The following SEMA3D variants were observed in gnomAD, a reference collection of about 807,000 sequenced individuals.
SEMA3D encodes the protein semaphorin-3D.
Under a neutral mutation model 100.1 loss-of-function variants are expected in SEMA3D, and 84 were observed. That is an observed-to-expected ratio of 0.84 (90% CI 0.70 to 1.01). The LOEUF is 1.01. Among genes scored for constraint, SEMA3D ranks in the 50% least tolerant of loss-of-function variants. SEMA3D has a pLI of 0.00. For synonymous variants in SEMA3D, 312 were observed against 320.7 expected, an observed-to-expected ratio of 0.97 and a Z score of 0.29; for missense variants, 875 against 934.1, an observed-to-expected ratio of 0.94 and a Z score of 0.82.
At chr7:85,249,361 T>G in the SEMA3D span, among the ~76,000 whole-genome samples, 1,422 of 152,190 alleles carry the variant, frequency 9.3e-3, 34 homozygotes, top group African/African-American at 0.03. Context: ...ACCTGACAAT[T>G]AAAGGTAATA....
At chr7:85,059,305 A>G (rs966442847) in intron 8 of SEMA3D, among the ~76,000 whole-genome samples, 1 of 152,234 alleles carries the variant, frequency 6.6e-6, no homozygotes, top group African/African-American at 2.4e-5. Flanking sequence ...CTATGTATGT[A>G]TATATGGGGG....
chr7:85,215,055 A>G, the SEMA3D span, among the ~76,000 whole-genome samples: 1 of 151,200 alleles, frequency 6.6e-6, no homozygotes. Flanking sequence ...GTATTATAAA[A>G]TTTAGGATTG....
intron 12 of SEMA3D, among the ~76,000 whole-genome samples, chr7:85,025,959 T>C (rs960864118): frequency 1.3e-5 from 2 of 151,994 alleles, no homozygotes; most frequent in Admixed American, 6.6e-5. Flanking sequence ...ACATAGTAAA[T>C]AGCCTGGGAT....
intron 15 of SEMA3D, among the ~76,000 whole-genome samples, chr7:85,015,790 A>G (rs1257847568): frequency 6.6e-6 from 1 of 151,854 alleles, no homozygotes; most frequent in East Asian, 1.9e-4. Context: ...GAAAGGCTGC[A>G]TGATACTGAA....
intron 8 of SEMA3D, 85 bp downstream of exon 8, chr7:85,065,339 C>T: frequency 8.2e-7 from 1 of 1,219,174 alleles, no homozygotes; most frequent in Non-Finnish European, 1.2e-6. Context: ...TATTCCAAAA[C>T]ACATTTGAAT....
At chr7:85,126,932 C>T (rs547446640) in intron 2 of SEMA3D, among the ~76,000 whole-genome samples, 13 of 152,066 alleles carry the variant, frequency 8.5e-5, no homozygotes, top group Non-Finnish European at 1.8e-4. Flanking sequence ...TTTATCCTAT[C>T]CTTTCTAAGT....
intron 13 of SEMA3D, among the ~76,000 whole-genome samples, chr7:85,020,890 A>G (rs942918739): frequency 2.6e-5 from 4 of 151,656 alleles, no homozygotes; most frequent in African/African-American, 9.7e-5. Context: ...AGGTTTGTTT[A>G]AAATTATTTA....
At chr7:85,151,535 T>C in intron 2 of SEMA3D, 4 of 655,912 alleles carry the variant, frequency 6.1e-6, no homozygotes, top group Non-Finnish European at 7.6e-6. Flanking sequence ...GATTAGACAA[T>C]ATATATTTCT....
chr7:85,130,206 G>A (rs1035597815), intron 2 of SEMA3D, among the ~76,000 whole-genome samples: 1 of 151,994 alleles, frequency 6.6e-6, no homozygotes, highest in African/African-American at 2.4e-5. Flanking sequence ...TGAATTTCAT[G>A]GTATTTGACC....
the SEMA3D span, among the ~76,000 whole-genome samples, chr7:85,223,959 G>A: frequency 6.6e-6 from 1 of 151,456 alleles, no homozygotes; most frequent in Non-Finnish European, 1.5e-5. Flanking sequence ...CAATTCCAAA[G>A]CTGGCAGGCA....
chr7:85,221,829 TA>T, the SEMA3D span, among the ~76,000 whole-genome samples: 1 of 152,046 alleles, frequency 6.6e-6, no homozygotes, highest in Non-Finnish European at 1.5e-5. Flanking sequence ...CTCCTTTGAT[TA>T]AAAAAACATA....
chr7:85,134,802 T>C (rs1789811182), intron 2 of SEMA3D, among the ~76,000 whole-genome samples: 1 of 152,022 alleles, frequency 6.6e-6, no homozygotes, highest in Admixed American at 6.6e-5. Flanking sequence ...CTTTACAGTA[T>C]CATTGTGTAT....
intron 11 of SEMA3D, 61 bp downstream of exon 11, chr7:85,040,612 T>C (rs1790831602): frequency 1.2e-6 from 1 of 837,930 alleles, no homozygotes; most frequent in Middle Eastern, 2.2e-4. Context: ...ATCCTATAAC[T>C]ATATTGGCTT....
chr7:85,202,869 A>C, the SEMA3D span, among the ~76,000 whole-genome samples: 1 of 152,168 alleles, frequency 6.6e-6, no homozygotes, highest in Non-Finnish European at 1.5e-5. Context: ...TTACTGATGA[A>C]AACTATATAG....
intron 10 of SEMA3D, 144 bp downstream of exon 10, chr7:85,042,027 G>C: frequency 3.0e-6 from 2 of 669,872 alleles, no homozygotes; most frequent in Non-Finnish European, 5.3e-6. Flanking sequence ...CGTGTACTTT[G>C]CGTGTGAATT....
At chr7:85,221,633 A>G in the SEMA3D span, among the ~76,000 whole-genome samples, 1 of 152,124 alleles carries the variant, frequency 6.6e-6, no homozygotes, top group Non-Finnish European at 1.5e-5. Flanking sequence ...ATAGTCACTC[A>G]CATGAATCAT....
chr7:85,049,033 C>T (rs1381327189), intron 9 of SEMA3D, among the ~76,000 whole-genome samples: 1 of 151,480 alleles, frequency 6.6e-6, no homozygotes, highest in Non-Finnish European at 1.5e-5. Flanking sequence ...TTTCCCACTT[C>T]TGATACTTAG....
chr7:85,133,328 C>T (rs565226197), intron 2 of SEMA3D, among the ~76,000 whole-genome samples: 32 of 151,988 alleles, frequency 2.1e-4, no homozygotes, highest in African/African-American at 7.5e-4. Context: ...TTAAAAAGTG[C>T]CTCAGTCAGG....
intron 11 of SEMA3D, among the ~76,000 whole-genome samples, chr7:85,039,843 G>A (rs1416771470): frequency 6.6e-6 from 1 of 152,010 alleles, no homozygotes; most frequent in East Asian, 1.9e-4. Flanking sequence ...AAGGTTAAGA[G>A]TGTCCCATCT....
Sources: gnomAD v4.1 joint callset for allele counts (sites outside exome capture counted in the v4.1 genomes callset) on GRCh38, gnomAD v4.1.1 for gene constraint, MANE v1.5 for transcripts, NCBI Gene and HGNC (gene_info 2026-07-23, HGNC 2026-07-21) for gene names.